The following PCP4 variants were observed in gnomAD, a reference collection of about 807,000 sequenced individuals.
PCP4 encodes Purkinje cell protein 4, also known as calmodulin regulator protein PCP4.
A neutral mutation model predicts 10.0 loss-of-function variants in PCP4; 8 were observed. The observed-to-expected ratio is 0.80, with a 90% confidence interval of 0.47 to 1.45. The LOEUF (loss-of-function observed/expected upper bound fraction) is 1.45, where lower values mean the gene tolerates loss of function less well. Among genes scored for constraint, PCP4 ranks in the 40% most tolerant of loss-of-function variants. The pLI is 0.00. For missense variants in PCP4, 54 were observed against 74.4 expected, an observed-to-expected ratio of 0.73 and a Z score of 1.01; for synonymous variants, 21 against 23.0, an observed-to-expected ratio of 0.91 and a Z score of 0.24.
chr21:39,905,155 GT>G (rs2087500663), intron 2 of PCP4, among the ~76,000 whole-genome samples: 1 of 152,126 alleles, frequency 6.6e-6, no homozygotes, highest in Non-Finnish European at 1.5e-5. Context: ...AGGCACATGG[GT>G]GGTGGCGCCT....
chr21:39,878,037 T>A (rs1460109717), intron 1 of PCP4, among the ~76,000 whole-genome samples: 1 of 151,786 alleles, frequency 6.6e-6, no homozygotes, highest in African/African-American at 2.4e-5. Context: ...TCTATACCGT[T>A]TCATCTTCCC....
chr21:39,911,558 C>T (rs1466183519), intron 2 of PCP4, among the ~76,000 whole-genome samples: 3 of 152,190 alleles, frequency 2.0e-5, no homozygotes, highest in Non-Finnish European at 4.4e-5. Flanking sequence ...AGCCAACATT[C>T]TTTAGAAACT....
At chr21:39,900,726 A>G (rs2837278) in intron 2 of PCP4, among the ~76,000 whole-genome samples, 21,002 of 151,904 alleles carry the variant, frequency 0.14, 1,650 homozygotes, top group Middle Eastern at 0.23. Flanking sequence ...GATGTTCCTC[A>G]TAGATAAGAA....
rs569510152 is a variant in PCP4 at position 39,892,095 on chromosome 21, G to A, written c.10-6381G>A. 4.6e-5 allele frequency among the ~76,000 whole-genome samples: 7 copies of A among 152,260 alleles called. No individual in the cohort carries two copies. The East Asian group carries it at 1.4e-3, about 30-fold the overall frequency. On this transcript the variant is annotated intron_variant, in intron 1 of 2. Coordinates refer to ENST00000328619, the MANE Select transcript of PCP4 (RefSeq NM_006198.3). ...CCTTTTGCGGTCTGCTAAGTAACAG[G>A]TGCCTTCCCAGACACTGGCGTTACC...
At chr21:39,918,056 A>G (rs907026093) in intron 2 of PCP4, among the ~76,000 whole-genome samples, 1 of 151,994 alleles carries the variant, frequency 6.6e-6, no homozygotes, top group African/African-American at 2.4e-5. Context: ...TTAATCTTGG[A>G]CTCCAGCCTC....
At chr21:39,907,442 A>T (rs571082875) in intron 2 of PCP4, among the ~76,000 whole-genome samples, 6 of 152,300 alleles carry the variant, frequency 3.9e-5, no homozygotes, top group Admixed American at 2.0e-4. Context: ...GAGCGGACAG[A>T]CAGGGGCTTT....
intron 1 of PCP4, among the ~76,000 whole-genome samples, chr21:39,896,772 G>T (rs893190294): frequency 6.6e-6 from 1 of 152,106 alleles, no homozygotes; most frequent in African/African-American, 2.4e-5. Flanking sequence ...ATTAATTAAG[G>T]GTTGACAAAT....
At chr21:39,915,713 G>C (rs78308060) in intron 2 of PCP4, among the ~76,000 whole-genome samples, 23,072 of 151,986 alleles carry the variant, frequency 0.15, 1,952 homozygotes, top group Middle Eastern at 0.21. Flanking sequence ...TATGAACAGA[G>C]GGAAAAAATG....
chr21:39,914,978 T>C (rs1008047747), intron 2 of PCP4, among the ~76,000 whole-genome samples: 2 of 152,034 alleles, frequency 1.3e-5, no homozygotes. Context: ...AAGAAACAAA[T>C]AGACCTAGTG....
chr21:39,889,205 G>A (rs993164471), intron 1 of PCP4, among the ~76,000 whole-genome samples: 3 of 152,054 alleles, frequency 2.0e-5, no homozygotes, highest in African/African-American at 4.8e-5. Context: ...AAGCTCTTAC[G>A]AATATTTGGT....
chr21:39,886,983 A>G (rs2087403386), intron 1 of PCP4, among the ~76,000 whole-genome samples: 1 of 152,236 alleles, frequency 6.6e-6, no homozygotes, highest in African/African-American at 2.4e-5. Flanking sequence ...TTTTGCAAAT[A>G]GAAAACAGTG....
chr21:39,888,087 A>C (rs1279138700), intron 1 of PCP4, among the ~76,000 whole-genome samples: 3 of 152,226 alleles, frequency 2.0e-5, no homozygotes, highest in African/African-American at 7.2e-5. Flanking sequence ...AAACCATTAG[A>C]AGTGTTGATA....
intron 1 of PCP4, among the ~76,000 whole-genome samples, chr21:39,876,348 G>A (rs569310234): frequency 6.6e-6 from 1 of 152,010 alleles, no homozygotes; most frequent in Non-Finnish European, 1.5e-5. Context: ...GGTACCTCCT[G>A]TGCGTGGAAT....
chr21:39,891,979 A>G (rs2087434440), intron 1 of PCP4, among the ~76,000 whole-genome samples: 1 of 152,238 alleles, frequency 6.6e-6, no homozygotes, highest in Non-Finnish European at 1.5e-5. Context: ...AGGCCTCCGG[A>G]TGACTGCAGG....
At position 39,880,176 on chromosome 21, in the gene PCP4, CTATATCTATATCTATCTA is replaced by C. The variant is rs1451190222; in HGVS notation, c.9+12670_9+12687del. ...TCTATATCTATATCTATATCTATAT[CTATATCTATATCTATCTA>C]TATCTATTCCCTGTCCAAGTGGAAG... On this transcript the variant is annotated intron_variant, in intron 1 of 2. Coordinates refer to ENST00000328619, the MANE Select transcript of PCP4 (RefSeq NM_006198.3). 1.4e-3 allele frequency among the ~76,000 whole-genome samples: 199 copies of C among 141,660 alleles called. 1 individual carries two copies. Among genetic ancestry groups the C allele is most frequent in the African/African-American group, 4.1e-3 (151 of 36,588 alleles). 92.9% of individuals were successfully genotyped at this position (141,660 alleles called of 152,430 possible). A position where few individuals can be genotyped will look rare whatever the true frequency, so the allele number is the denominator to read the frequency against.
intron 1 of PCP4, among the ~76,000 whole-genome samples, chr21:39,886,433 A>T (rs926452939): frequency 6.6e-6 from 1 of 152,150 alleles, no homozygotes; most frequent in Non-Finnish European, 1.5e-5. Context: ...CTACTAAAAT[A>T]CAAATCTACT....
chr21:39,915,985 G>A (rs2146347034), intron 2 of PCP4: 1 of 152,262 alleles, frequency 6.6e-6, no homozygotes, highest in African/African-American at 2.4e-5. Flanking sequence ...TGCACAGAGG[G>A]GTTATCTGAA....
intron 1 of PCP4, among the ~76,000 whole-genome samples, chr21:39,887,880 T>C (rs1601175192): frequency 2.0e-5 from 3 of 152,344 alleles, no homozygotes; most frequent in Admixed American, 2.0e-4. Flanking sequence ...CTGGGGTGAC[T>C]GGAGGCAGTC....
At chr21:39,878,722 G>A (rs952452023) in intron 1 of PCP4, among the ~76,000 whole-genome samples, 3 of 152,116 alleles carry the variant, frequency 2.0e-5, no homozygotes, top group East Asian at 1.9e-4. Context: ...GTATCTATCC[G>A]TGCTTGCTCA....
Sources: gnomAD v4.1 joint callset for allele counts (sites outside exome capture counted in the v4.1 genomes callset) on GRCh38, gnomAD v4.1.1 for gene constraint, MANE v1.5 for transcripts, NCBI Gene and HGNC (gene_info 2026-07-23, HGNC 2026-07-21) for gene names.